SSH2: variants seen among roughly 807,000 people sequenced by gnomAD.
SSH2 encodes the protein slingshot protein phosphatase 2, also known as protein phosphatase Slingshot homolog 2.
In SSH2, 37 loss-of-function variants were observed where a neutral mutation model predicts 135.2. The observed-to-expected ratio is 0.27, with a 90% CI of 0.21 to 0.36. The LOEUF (loss-of-function observed/expected upper bound fraction) is 0.36, where lower values mean the gene tolerates loss of function less well. SSH2 is among the 10% of genes least tolerant of loss of function. The pLI is 1.00. For synonymous variants in SSH2, 628 were observed against 646.2 expected, an observed-to-expected ratio of 0.97 and a Z score of 0.43; for missense variants, 1,408 against 1,765.3, an observed-to-expected ratio of 0.80 and a Z score of 3.63.
At chr17:29,889,824 A>AG (rs1476559586) in intron 1 of SSH2, among the ~76,000 whole-genome samples, 1 of 150,090 alleles carries the variant, frequency 6.7e-6, no homozygotes, top group Non-Finnish European at 1.5e-5. Context: ...AAAAAAAAAA[A>AG]AAAACCAGCC....
chr17:29,914,351 G>A (rs2066841473), intron 1 of SSH2, among the ~76,000 whole-genome samples: 1 of 151,898 alleles, frequency 6.6e-6, no homozygotes, highest in Non-Finnish European at 1.5e-5. Context: ...GCTTAAGCCA[G>A]GAGTTTGAGA....
intron 9 of SSH2, among the ~76,000 whole-genome samples, chr17:29,671,378 C>T: frequency 6.6e-6 from 1 of 151,934 alleles, no homozygotes; most frequent in African/African-American, 2.4e-5. Flanking sequence ...AGGTACTTTG[C>T]AGGCTGAAGT....
At chr17:29,708,395 C>A (rs2039294059) in intron 3 of SSH2, among the ~76,000 whole-genome samples, 1 of 151,920 alleles carries the variant, frequency 6.6e-6, no homozygotes, top group Non-Finnish European at 1.5e-5. Context: ...CGAGATCAGC[C>A]TGGCCAACAT....
At chr17:29,911,597 C>T (rs975621848) in intron 1 of SSH2, among the ~76,000 whole-genome samples, 2 of 152,154 alleles carry the variant, frequency 1.3e-5, no homozygotes, top group Non-Finnish European at 2.9e-5. Context: ...CACTTAATTA[C>T]TATGCTATAT....
chr17:29,652,423 A>G (rs1329332632), intron 12 of SSH2, among the ~76,000 whole-genome samples: 1 of 152,158 alleles, frequency 6.6e-6, no homozygotes, highest in African/African-American at 2.4e-5. Context: ...TGAAGGGTAC[A>G]GGCTTTCCGA....
chr17:29,677,907 C>T (rs747253061), intron 6 of SSH2, among the ~76,000 whole-genome samples, 166 bp from the exon 7 acceptor site: 2 of 152,050 alleles, frequency 1.3e-5, no homozygotes, highest in African/African-American at 2.4e-5. Context: ...TTATGTATGT[C>T]CTCAGGAGCT....
chr17:29,930,207 T>C lies in SSH2; in HGVS notation c.-207A>G, dbSNP rs2067165350. On this transcript the variant is annotated 5_prime_UTR_variant, in exon 1 of 16. Transcript: ENST00000540801. ...CTCCGAACGGGCGGCGGGCGGGCGG[T>C]TCCGCAGCTGCGGGGCACAATGAGC... 1.8e-6 allele frequency: 1 copy of C among 561,386 alleles called. No individual in the cohort carries two copies. The allele number at this position is 561,386 out of a possible 1,614,324, so 34.8% of individuals were successfully genotyped here.
chr17:29,704,836 G>C (rs2151130308), intron 3 of SSH2, among the ~76,000 whole-genome samples: 1 of 151,378 alleles, frequency 6.6e-6, no homozygotes, highest in Non-Finnish European at 1.5e-5. Flanking sequence ...GTTTCTCACA[G>C]AATCTGAAAG....
intron 3 of SSH2, among the ~76,000 whole-genome samples, chr17:29,732,952 T>C (rs880749): frequency 0.6 from 91,238 of 152,124 alleles, 29,905 homozygotes; most frequent in African/African-American, 0.87. Context: ...CTGCCTGCCA[T>C]GCCTTAGCCA....
intron 2 of SSH2, among the ~76,000 whole-genome samples, chr17:29,847,944 C>T (rs112092709): frequency 1.3e-5 from 2 of 152,148 alleles, no homozygotes; most frequent in African/African-American, 2.4e-5. Flanking sequence ...AGTATATATA[C>T]AGTTGCCAAG....
At chr17:29,689,085 G>C (rs934072869) in intron 5 of SSH2, among the ~76,000 whole-genome samples, 1 of 152,102 alleles carries the variant, frequency 6.6e-6, no homozygotes, top group African/African-American at 2.4e-5. Flanking sequence ...TGGAACCCAG[G>C]AGGAGGAGGT....
chr17:29,747,939 C>T (rs2040815194), intron 3 of SSH2, among the ~76,000 whole-genome samples: 1 of 152,058 alleles, frequency 6.6e-6, no homozygotes, highest in Admixed American at 6.6e-5. Context: ...TGGCTTTGGG[C>T]AGTGTTTATC....
chr17:29,731,525 G>A (rs1323351569), intron 3 of SSH2, among the ~76,000 whole-genome samples: 10 of 151,382 alleles, frequency 6.6e-5, no homozygotes, highest in South Asian at 2.1e-4. Flanking sequence ...GCACGATCTC[G>A]GCTCACTACA....
intron 3 of SSH2, among the ~76,000 whole-genome samples, chr17:29,749,822 G>A (rs2040873052): frequency 6.6e-6 from 1 of 152,122 alleles, no homozygotes; most frequent in Admixed American, 6.5e-5. Context: ...TGCCTCCTGG[G>A]CTCAAGAGAT....
At chr17:29,866,102 C>CAAAAAAAAAAAAAAAAAA (rs34216701) in intron 1 of SSH2, 1 of 113,710 alleles carries the variant, frequency 8.8e-6, no homozygotes. Context: ...AACTCCATCT[C>CAAAAAAAAAAAAAAAAAA]AAAAAAAAAA....
rs1327790912 is a variant in SSH2, at chr17:29,770,096, T to TTTTG, written c.188+23797_188+23798insCAAA. Among the ~76,000 whole-genome samples, 411 of 106,964 alleles carry TTTTG rather than the reference T, an allele frequency of 3.8e-3. 14 individuals are homozygous for TTTTG. Among genetic ancestry groups the TTTTG allele is most frequent in the Middle Eastern group, 8.5e-3 (2 of 234 alleles). The allele number at this position is 106,964 out of a possible 152,430, so 70.2% of individuals were successfully genotyped here. On this transcript the variant is annotated intron_variant, in intron 3 of 15. Transcript: ENST00000540801. ...AACAAATTTTTGCTATATTTAGTTT[T>TTTTG]TTTTTTTTTTTTTTTTTTTTTTTAA...
In SSH2 at chr17:29,666,955, C is replaced by T. The variant is rs767637353; in HGVS notation, c.944G>A (p.Arg315Gln). The change falls in exon 11 of 16, where the codon CGG becomes CAG. Residue 315 changes from arginine (R) to glutamine (Q), a missense_variant. Physicochemically the swap from Arg to Gln is conservative, Grantham distance 43. Around this residue, in one of 3 missense-constraint regions of SSH2, gnomAD observed 106 missense variants for 265.2 expected, o/e 0.40. Coordinates refer to ENST00000540801, the MANE Select transcript of SSH2 (RefSeq NM_001282129.2). ...ATTGTCTATAAATTCCTTGAATTCC[C>T]GCAAGTTGCACACCATTTGCATTTC... ...ELEMQMVCNL[R>Q]EFKEFIDNEM... 2.5e-6 allele frequency: 4 copies of T among 1,613,970 alleles called. No homozygotes were observed. The highest frequency in any genetic ancestry group is 1.1e-5 in the South Asian group (1 of 91,074).
intron 2 of SSH2, among the ~76,000 whole-genome samples, chr17:29,808,152 G>T (rs770097558): frequency 2.6e-5 from 4 of 152,222 alleles, no homozygotes; most frequent in Non-Finnish European, 4.4e-5. Context: ...TTTTGAGACG[G>T]AGTCTCGCTC....
intron 3 of SSH2, among the ~76,000 whole-genome samples, chr17:29,758,687 A>C (rs2041202870): frequency 6.6e-6 from 1 of 152,208 alleles, no homozygotes; most frequent in African/African-American, 2.4e-5. Flanking sequence ...TTGACCAGAA[A>C]ACATGATTTA....
Sources: allele counts gnomAD v4.1 joint callset (sites outside exome capture counted in the v4.1 genomes callset), GRCh38; gene constraint gnomAD v4.1.1; regional missense constraint gnomAD v4.1.1; transcripts MANE v1.5; gene names NCBI Gene and HGNC (gene_info 2026-07-23, HGNC 2026-07-21).